The following PTPRD variants were observed in gnomAD, a reference collection of about 807,000 sequenced individuals.
PTPRD encodes receptor-type tyrosine-protein phosphatase delta.
PTPRD carries 34 observed loss-of-function variants against 214.5 expected under a neutral mutation model. The ratio of observed to expected loss-of-function variants is 0.16; its 90% CI spans 0.12 to 0.21. The LOEUF is 0.21. Among genes scored for constraint, PTPRD ranks in the 10% least tolerant of loss-of-function variants. The pLI is 1.00. For missense variants in PTPRD, 2,545 were observed against 2,398.7 expected, an observed-to-expected ratio of 1.06 and a Z score of -1.27; for synonymous variants, 1,128 against 845.7, an observed-to-expected ratio of 1.33 and a Z score of -5.79.
chr9:10,422,888 A>T (rs1447852044), intron 2 of PTPRD, among the ~76,000 whole-genome samples: 1 of 152,066 alleles, frequency 6.6e-6, no homozygotes, highest in Non-Finnish European at 1.5e-5. Context: ...ATTGTGGAAG[A>T]CAGTGTGGCG....
chr9:9,085,345 T>A (rs912468241), intron 10 of PTPRD, among the ~76,000 whole-genome samples: 1 of 152,184 alleles, frequency 6.6e-6, no homozygotes, highest in Non-Finnish European at 1.5e-5. Context: ...TCCTTCTCTC[T>A]CAGAGAAAAT....
At chr9:9,975,642 A>G (rs1173115660) in intron 4 of PTPRD, among the ~76,000 whole-genome samples, 1 of 152,184 alleles carries the variant, frequency 6.6e-6, no homozygotes, top group Non-Finnish European at 1.5e-5. Context: ...AATGCTCTAC[A>G]TTATATCAAC....
At chr9:9,984,631 T>G (rs7040189) in intron 4 of PTPRD, among the ~76,000 whole-genome samples, 110,308 of 151,976 alleles carry the variant, frequency 0.73, 40,923 homozygotes, top group Middle Eastern at 0.87. Flanking sequence ...CTAGTGGAGG[T>G]GCACATGGGC....
At chr9:9,847,300 T>C (rs997401331) in intron 5 of PTPRD, among the ~76,000 whole-genome samples, 22 of 152,166 alleles carry the variant, frequency 1.4e-4, no homozygotes, top group African/African-American at 5.3e-4. Flanking sequence ...CATAAGAAAT[T>C]ACTGATGTGT....
intron 2 of PTPRD, among the ~76,000 whole-genome samples, chr9:10,554,789 T>G (rs13288686): frequency 1.3e-5 from 2 of 152,076 alleles, no homozygotes; most frequent in Non-Finnish European, 2.9e-5. Context: ...GCCTCCCGAG[T>G]AGCTGGGACT....
chr9:9,658,097 CTG>C (rs899824657), intron 7 of PTPRD, among the ~76,000 whole-genome samples: 39 of 152,186 alleles, frequency 2.6e-4, no homozygotes, highest in African/African-American at 9.4e-4. Flanking sequence ...ATTACAGGTG[CTG>C]TTTTATTTTT....
chr9:10,236,340 G>T (rs1304099477), intron 3 of PTPRD, among the ~76,000 whole-genome samples: 2 of 151,938 alleles, frequency 1.3e-5, no homozygotes, highest in East Asian at 2.0e-4. Context: ...AGATTCTGGC[G>T]TACTAAGAAT....
At chr9:8,871,109 G>A (rs763091625) in intron 11 of PTPRD, among the ~76,000 whole-genome samples, 5 of 152,090 alleles carry the variant, frequency 3.3e-5, no homozygotes, top group Non-Finnish European at 4.4e-5. Flanking sequence ...GGCAATGCCC[G>A]CTCCCTTGCT....
intron 9 of PTPRD, among the ~76,000 whole-genome samples, chr9:9,362,833 A>G (rs1254792567): frequency 1.3e-5 from 2 of 151,370 alleles, no homozygotes; most frequent in Admixed American, 6.6e-5. Flanking sequence ...TAAATCAGCT[A>G]TACATTTCTA....
chr9:8,380,942 G>C (rs1376752001), intron 37 of PTPRD, among the ~76,000 whole-genome samples: 1 of 152,128 alleles, frequency 6.6e-6, no homozygotes, highest in Admixed American at 6.6e-5. Context: ...AAGACTTACT[G>C]AGCATGGCAA....
intron 7 of PTPRD, among the ~76,000 whole-genome samples, chr9:9,689,824 T>C (rs1238906444): frequency 2.6e-5 from 4 of 151,944 alleles, no homozygotes; most frequent in Non-Finnish European, 4.4e-5. Flanking sequence ...GATTTCATTT[T>C]TTAATGGCTG....
At chr9:9,484,729 A>G (rs566801460) in intron 8 of PTPRD, among the ~76,000 whole-genome samples, 2 of 152,126 alleles carry the variant, frequency 1.3e-5, no homozygotes, top group African/African-American at 4.8e-5. Flanking sequence ...TTACGAGGTC[A>G]TATAGGTATT....
chr9:8,332,957 G>C (rs568164464), intron 43 of PTPRD, among the ~76,000 whole-genome samples: 1 of 152,200 alleles, frequency 6.6e-6, no homozygotes, highest in East Asian at 1.9e-4. Flanking sequence ...CAAGGTTCTG[G>C]GTAAGTGAAC....
chr9:10,102,879 A>G (rs373211847), intron 3 of PTPRD, among the ~76,000 whole-genome samples: 1 of 151,752 alleles, frequency 6.6e-6, no homozygotes, highest in Admixed American at 6.6e-5. Flanking sequence ...AATGAAAGCT[A>G]TATTTTTCTG....
chr9:9,266,963 GAAATA>G (rs1350597357), intron 9 of PTPRD, among the ~76,000 whole-genome samples: 1 of 151,042 alleles, frequency 6.6e-6, no homozygotes, highest in Non-Finnish European at 1.5e-5. Context: ...ATAAATAAAT[GAAATA>G]GAGACTACAA....
intron 2 of PTPRD, among the ~76,000 whole-genome samples, chr9:10,545,022 G>C (rs941742872): frequency 3.3e-5 from 5 of 152,246 alleles, no homozygotes; most frequent in African/African-American, 9.6e-5. Flanking sequence ...TTAAGTTTTA[G>C]ATATGTAAAA....
At chr9:8,606,924 T>G (rs1280078042) in intron 14 of PTPRD, among the ~76,000 whole-genome samples, 2 of 152,270 alleles carry the variant, frequency 1.3e-5, no homozygotes, top group South Asian at 4.1e-4. Context: ...AGCAGGACAA[T>G]AGTCTTAGGT....
In PTPRD at chr9:9,955,521, G is replaced by GT. The variant is rs1194987444; in HGVS notation, c.-471-16912dup. Among the ~76,000 whole-genome samples, 356 of 145,484 alleles carry GT rather than the reference G, an allele frequency of 2.4e-3. 5 individuals are homozygous for GT. The highest frequency in any genetic ancestry group is 9.1e-3 in the African/African-American group (345 of 38,110). ...GTTTTCGTTTTTTTTGTTTTGTTTT[G>GT]TTTTGTTTTTTTTTTTTTTTGAGAC... On this transcript the variant is annotated intron_variant, in intron 4 of 45. Transcript: ENST00000381196.
intron 4 of PTPRD, among the ~76,000 whole-genome samples, chr9:9,961,037 G>A (rs934235625): frequency 1.3e-5 from 2 of 152,068 alleles, no homozygotes; most frequent in African/African-American, 4.8e-5. Context: ...AGACATTTAT[G>A]CAGCCAACAG....
Sources: allele counts gnomAD v4.1 joint callset (sites outside exome capture counted in the v4.1 genomes callset), GRCh38; gene constraint gnomAD v4.1.1; transcripts MANE v1.5; gene names NCBI Gene and HGNC (gene_info 2026-07-23, HGNC 2026-07-21).